CHSY1: variants seen among roughly 807,000 people sequenced by gnomAD.
CHSY1 encodes the protein chondroitin sulfate synthase 1.
CHSY1 carries 13 observed loss-of-function variants against 59.8 expected under a neutral mutation model. The ratio of observed to expected loss-of-function variants is 0.22; its 90% CI spans 0.14 to 0.35. CHSY1 has a LOEUF of 0.35. CHSY1 is among the 10% of genes least tolerant of loss of function. CHSY1 has a pLI of 1.00. For missense variants in CHSY1, 947 were observed against 1,030.6 expected (o/e 0.92, Z 1.11); for synonymous variants, 459 against 401.2 (o/e 1.14, Z -1.72).
intron 2 of CHSY1, among the ~76,000 whole-genome samples, chr15:101,194,554 T>G (rs966605166): frequency 1.3e-5 from 2 of 152,222 alleles, no homozygotes; most frequent in African/African-American, 4.8e-5. Flanking sequence ...ACTTGGTATT[T>G]TGCACCATTA....
intron 1 of CHSY1, among the ~76,000 whole-genome samples, chr15:101,250,462 T>G (rs2039095003): frequency 6.6e-6 from 1 of 152,178 alleles, no homozygotes; most frequent in Non-Finnish European, 1.5e-5. Flanking sequence ...TTTGGCCAAC[T>G]AGAGCCCAGT....
At chr15:101,206,175 G>A (rs184096571) in intron 2 of CHSY1, among the ~76,000 whole-genome samples, 160 of 152,224 alleles carry the variant, frequency 1.1e-3, no homozygotes, top group Middle Eastern at 6.8e-3. Flanking sequence ...TCTCTCCCCG[G>A]GTGAGCCTCT....
intron 2 of CHSY1, among the ~76,000 whole-genome samples, chr15:101,191,237 T>G (rs1008152737): frequency 6.6e-6 from 1 of 152,204 alleles, no homozygotes; most frequent in Non-Finnish European, 1.5e-5. Flanking sequence ...TCAGCATTTT[T>G]AAAAAATGAA....
chr15:101,234,728 G>A (rs529817364), intron 2 of CHSY1, among the ~76,000 whole-genome samples: 17 of 152,288 alleles, frequency 1.1e-4, no homozygotes, highest in Middle Eastern at 6.8e-3. Flanking sequence ...TTAGCCTAGC[G>A]TGGTGGCGCC....
intron 2 of CHSY1, among the ~76,000 whole-genome samples, chr15:101,227,553 A>C (rs917278898): frequency 6.6e-6 from 1 of 152,230 alleles, no homozygotes; most frequent in Non-Finnish European, 1.5e-5. Context: ...GGGGTTTTGA[A>C]AAAGCTTCAA....
At chr15:101,233,971 C>G (rs931932855) in intron 2 of CHSY1, among the ~76,000 whole-genome samples, 6 of 152,348 alleles carry the variant, frequency 3.9e-5, no homozygotes, top group African/African-American at 1.4e-4. Flanking sequence ...GCAATTACCT[C>G]TGCTCCTCAC....
intron 2 of CHSY1, among the ~76,000 whole-genome samples, chr15:101,212,280 T>G (rs969592290): frequency 6.6e-6 from 1 of 152,192 alleles, no homozygotes; most frequent in Non-Finnish European, 1.5e-5. Flanking sequence ...ATTAAGTATA[T>G]ACCTATCCTC....
At chr15:101,238,920 A>G (rs547896294) in intron 1 of CHSY1, among the ~76,000 whole-genome samples, 2 of 152,342 alleles carry the variant, frequency 1.3e-5, no homozygotes, top group East Asian at 3.9e-4. Context: ...CAAAGGGACA[A>G]GTCCTTTTGC....
intron 2 of CHSY1, among the ~76,000 whole-genome samples, chr15:101,183,000 G>C (rs543959021): frequency 6.6e-6 from 1 of 152,046 alleles, no homozygotes; most frequent in East Asian, 1.9e-4. Context: ...CTACAATATA[G>C]TCAAAGGGAA....
At chr15:101,213,359 TCTA>T (rs1260055731) in intron 2 of CHSY1, among the ~76,000 whole-genome samples, 2 of 141,156 alleles carry the variant, frequency 1.4e-5, no homozygotes, top group Non-Finnish European at 3.0e-5. Flanking sequence ...TGAGGTAATC[TCTA>T]GAGCTTACCA....
At chr15:101,179,270 T>C (rs1485110004) in intron 2 of CHSY1, among the ~76,000 whole-genome samples, 2 of 152,204 alleles carry the variant, frequency 1.3e-5, no homozygotes, top group African/African-American at 4.8e-5. Context: ...GAGATCACAG[T>C]GCACCACAGG....
At chr15:101,214,287 C>A (rs1294652805) in intron 2 of CHSY1, among the ~76,000 whole-genome samples, 1 of 152,166 alleles carries the variant, frequency 6.6e-6, no homozygotes, top group African/African-American at 2.4e-5. Flanking sequence ...ACCCACTGAC[C>A]CTGTCCCTCA....
intron 2 of CHSY1, among the ~76,000 whole-genome samples, chr15:101,183,647 G>A (rs889815965): frequency 1.3e-5 from 2 of 152,214 alleles, no homozygotes; most frequent in Non-Finnish European, 2.9e-5. Flanking sequence ...GAAACAAGAC[G>A]CATGGGCCAG....
chr15:101,227,720 G>C (rs1308446395), intron 2 of CHSY1, among the ~76,000 whole-genome samples: 1 of 152,118 alleles, frequency 6.6e-6, no homozygotes, highest in Non-Finnish European at 1.5e-5. Context: ...GAGTGTTCAG[G>C]GCAAGCACCA....
intron 2 of CHSY1, chr15:101,188,227 G>C (rs1257718322): frequency 3.4e-5 from 33 of 982,280 alleles, no homozygotes; most frequent in Non-Finnish European, 4.0e-5. Flanking sequence ...GTCCTGAAAA[G>C]TGGTTCAAAG....
chr15:101,235,207 C>T lies in CHSY1; in HGVS notation c.691G>A (p.Val231Met). ...ATGTGCGGCACCATTCTCCGAAGCACCTCCCGGCTCATGATCACGCCAGGC... is the reference window on the plus strand; with the variant it reads ...ATGTGCGGCACCATTCTCCGAAGCATCTCCCGGCTCATGATCACGCCAGGC... ...GGPGVIMSRE[V>M]LRRMVPHIGK... The change falls in exon 2 of 3, where the codon GTG becomes ATG. Residue 231 changes from valine to methionine, a missense_variant. Physicochemically the swap from Val to Met is conservative, Grantham distance 21. Around this residue, in one of 4 missense-constraint regions of CHSY1, gnomAD observed 108 missense variants for 144.4 expected, o/e 0.75. Transcript: ENST00000254190. 6.2e-7 allele frequency: 1 copy of T among 1,613,936 alleles called. No homozygotes were observed. The highest frequency in any genetic ancestry group is 8.5e-7 in the Non-Finnish European group (1 of 1,179,856).
intron 2 of CHSY1, among the ~76,000 whole-genome samples, chr15:101,184,765 A>G (rs2038331717): frequency 6.6e-6 from 1 of 152,210 alleles, no homozygotes; most frequent in African/African-American, 2.4e-5. Context: ...CTTAAAATAA[A>G]GCCAAGTCTA....
At chr15:101,239,886 T>C (rs1443865097) in intron 1 of CHSY1, among the ~76,000 whole-genome samples, 1 of 152,196 alleles carries the variant, frequency 6.6e-6, no homozygotes, top group Admixed American at 6.5e-5. Flanking sequence ...CTGCTTCCCG[T>C]GTACCCCACC....
At chr15:101,214,407 A>C (rs1021029138) in intron 2 of CHSY1, among the ~76,000 whole-genome samples, 5 of 152,222 alleles carry the variant, frequency 3.3e-5, no homozygotes, top group African/African-American at 9.6e-5. Flanking sequence ...GAAGACATGG[A>C]CTAAAGTAAG....
Sources: allele counts gnomAD v4.1 joint callset (sites outside exome capture counted in the v4.1 genomes callset), GRCh38; gene constraint gnomAD v4.1.1; regional missense constraint gnomAD v4.1.1; transcripts MANE v1.5; gene names NCBI Gene and HGNC (gene_info 2026-07-23, HGNC 2026-07-21).